Variants in TTC27 observed in about 807,000 individuals in gnomAD.
The protein encoded by TTC27 is tetratricopeptide repeat protein 27.
A neutral mutation model predicts 115.9 loss-of-function variants in TTC27; 79 were observed. The ratio of observed to expected loss-of-function variants is 0.68; its 90% CI spans 0.57 to 0.82. The LOEUF is 0.82. TTC27 is among the 40% of genes least tolerant of loss of function. The pLI is 0.00. For missense variants in TTC27, 1,054 were observed against 993.1 expected (o/e 1.06, Z -0.82); for synonymous variants, 401 against 356.0 (o/e 1.13, Z -1.42).
At chr2:32,753,114 C>G (rs986825007) in intron 12 of TTC27, among the ~76,000 whole-genome samples, 6 of 152,118 alleles carry the variant, frequency 3.9e-5, no homozygotes, top group Non-Finnish European at 5.9e-5. Flanking sequence ...AGGCAACTCT[C>G]TTCATCTAAT....
intron 10 of TTC27, among the ~76,000 whole-genome samples, chr2:32,709,997 AAGCTTC>A (rs1667520147): frequency 6.6e-6 from 1 of 152,068 alleles, no homozygotes; most frequent in Non-Finnish European, 1.5e-5. Context: ...GTTGTTGTTA[AAGCTTC>A]AGCCTTCTTT....
chr2:32,639,121 C>T (rs895769871), intron 3 of TTC27, among the ~76,000 whole-genome samples: 10 of 151,790 alleles, frequency 6.6e-5, no homozygotes, highest in East Asian at 2.0e-4. Context: ...TGTGAGCCAC[C>T]GTGCCCGGCC....
rs369470369 is a variant in TTC27, at chr2:32,666,806, C to T, written c.939+38C>T. The T allele has an allele frequency of 1.1e-5, 17 of 1,601,642 alleles. No individual in the cohort carries two copies. In the Middle Eastern group the frequency reaches 1.0e-3, roughly 94 times the overall value. On this transcript the variant is annotated intron_variant, in intron 7 of 19. Transcript: ENST00000317907. The stretch of plus-strand genomic sequence containing the variant: ...TTAAGTTATTAAATTCAATTAACAC[C>T]TGAGTCTAAGAATTTCAATAGCTGA...
chr2:32,798,245 A>G (rs1670779500), intron 16 of TTC27, among the ~76,000 whole-genome samples: 1 of 150,518 alleles, frequency 6.6e-6, no homozygotes, highest in Non-Finnish European at 1.5e-5. Context: ...TCTCTACTAA[A>G]AATACAAAAA....
rs752211752 is a variant in TTC27, at chr2:32,723,724, C to CTCCT, written c.1234-10101_1234-10100insTTCC. Among the ~76,000 whole-genome samples, 3 of 25,068 alleles carry CTCCT rather than the reference C, an allele frequency of 1.2e-4. No homozygotes were observed. The South Asian group carries it at 3.2e-3, about 26-fold the overall frequency. 16.4% of individuals were successfully genotyped at this position (25,068 alleles called of 152,430 possible). On this transcript the variant is annotated intron_variant, in intron 10 of 19. Coordinates refer to ENST00000317907, the MANE Select transcript of TTC27 (RefSeq NM_017735.5). ...CCTCCCTCCCTCCCTCCCTCCCTCC[C>CTCCT]TCCCTCCTTCCTTCCTTCCTTCCTT...
In TTC27 at chr2:32,740,757, C is replaced by T. The variant is rs551546558; in HGVS notation, c.1452+3941C>T. On this transcript the variant is annotated intron_variant, in intron 12 of 19. Transcript: ENST00000317907. ...GCAACCTCCACCTCCTGGGTTCAAG[C>T]GATTCTCTTGCCTCAGCCTCCCGAG... is the stretch of plus-strand genomic sequence containing the variant. Among the ~76,000 whole-genome samples the T allele has an allele frequency of 3.9e-5, 6 of 152,330 alleles. No individual in the cohort carries two copies. In the East Asian group the frequency reaches 1.2e-3, roughly 29 times the overall value.
At chr2:32,709,257 A>G (rs1301611601) in intron 10 of TTC27, among the ~76,000 whole-genome samples, 1 of 152,166 alleles carries the variant, frequency 6.6e-6, no homozygotes, top group East Asian at 1.9e-4. Context: ...TTAATGACTC[A>G]CTTCCAAAAT....
chr2:32,687,457 A>C (rs768243036), intron 9 of TTC27, among the ~76,000 whole-genome samples: 13 of 152,354 alleles, frequency 8.5e-5, no homozygotes, highest in African/African-American at 2.9e-4. Flanking sequence ...ACCAAGCCTT[A>C]TGAATAATTA....
At chr2:32,717,183 A>C (rs1004088994) in intron 10 of TTC27, among the ~76,000 whole-genome samples, 1 of 151,426 alleles carries the variant, frequency 6.6e-6, no homozygotes, top group Admixed American at 6.6e-5. Context: ...TACATTGCCC[A>C]GTCTGATCTC....
intron 6 of TTC27, 139 bp downstream of exon 6, chr2:32,664,606 C>A: frequency 2.8e-6 from 2 of 717,558 alleles, no homozygotes; most frequent in Non-Finnish European, 4.3e-6. Flanking sequence ...GTTTTATTTA[C>A]AAATTTATAG....
intron 10 of TTC27, among the ~76,000 whole-genome samples, chr2:32,719,413 A>T (rs2151909106): frequency 6.6e-6 from 1 of 152,314 alleles, no homozygotes; most frequent in Non-Finnish European, 1.5e-5. Flanking sequence ...ACTATATGGG[A>T]AACTTATATT....
At chr2:32,700,383 C>A (rs1182091548) in intron 9 of TTC27, among the ~76,000 whole-genome samples, 1 of 151,946 alleles carries the variant, frequency 6.6e-6, no homozygotes, top group Non-Finnish European at 1.5e-5. Flanking sequence ...TTTTACAGAG[C>A]CTTTTCCTCA....
chr2:32,740,199 T>C (rs907886031), intron 12 of TTC27, among the ~76,000 whole-genome samples: 12 of 152,200 alleles, frequency 7.9e-5, no homozygotes, highest in Non-Finnish European at 1.6e-4. Context: ...CAAATTTGGT[T>C]CCTAAATGAG....
chr2:32,646,726 G>C lies in TTC27; in HGVS notation c.538-3405G>C, dbSNP rs550181577. Among the ~76,000 whole-genome samples, 18 of 151,582 alleles carry C rather than the reference G, an allele frequency of 1.2e-4. No homozygotes were observed. In the South Asian group the frequency reaches 1.3e-3, roughly 11 times the overall value. ...CTACAGGCTCCCACCAGTACGCCCA[G>C]CTAATTTTTTGTATTATTAGTAGAG... On this transcript the variant is annotated intron_variant, in intron 4 of 19. Coordinates refer to ENST00000317907, the MANE Select transcript of TTC27 (RefSeq NM_017735.5).
chr2:32,692,039 T>TTTTG (rs1666835351), intron 9 of TTC27, among the ~76,000 whole-genome samples: 1 of 73,194 alleles, frequency 1.4e-5, no homozygotes, highest in Non-Finnish European at 2.5e-5. Flanking sequence ...TTTTTAGGTT[T>TTTTG]TTTTTTTTTT....
intron 10 of TTC27, among the ~76,000 whole-genome samples, chr2:32,724,774 A>C (rs1448496233): frequency 6.6e-6 from 1 of 152,240 alleles, no homozygotes; most frequent in Non-Finnish European, 1.5e-5. Context: ...AAGTAAGTGC[A>C]TCACTTCAAG....
intron 9 of TTC27, among the ~76,000 whole-genome samples, chr2:32,696,432 G>A (rs1405268710): frequency 6.6e-6 from 1 of 151,824 alleles, no homozygotes; most frequent in Non-Finnish European, 1.5e-5. Flanking sequence ...TGGGATTCCA[G>A]GTGCCCACCA....
chr2:32,646,924 T>A (rs1664886734), intron 4 of TTC27, among the ~76,000 whole-genome samples: 1 of 151,960 alleles, frequency 6.6e-6, no homozygotes, highest in South Asian at 2.1e-4. Flanking sequence ...AGTTAATTTA[T>A]AGATCTGATT....
At chr2:32,630,985 C>G (rs1664170068) in intron 2 of TTC27, among the ~76,000 whole-genome samples, 1 of 152,158 alleles carries the variant, frequency 6.6e-6, no homozygotes, top group Non-Finnish European at 1.5e-5. Context: ...GGCAAAACTT[C>G]AGACCTTATT....
Sources: allele counts gnomAD v4.1 joint callset (sites outside exome capture counted in the v4.1 genomes callset), GRCh38; gene constraint gnomAD v4.1.1; transcripts MANE v1.5; gene names NCBI Gene and HGNC (gene_info 2026-07-23, HGNC 2026-07-21).